CDH12: variants seen among roughly 807,000 people sequenced by gnomAD.
CDH12 encodes cadherin-12.
Under a neutral mutation model 74.1 loss-of-function variants are expected in CDH12, and 41 were observed. The observed-to-expected ratio is 0.55, with a 90% CI of 0.43 to 0.72. The LOEUF is 0.72. Ranked by LOEUF, CDH12 falls within the 30% of genes least tolerant of loss-of-function variation. The pLI, the probability that CDH12 is intolerant of heterozygous loss-of-function variation, is 0.00. For synonymous variants in CDH12, 399 were observed against 355.0 expected, an observed-to-expected ratio of 1.12 and a Z score of -1.39; for missense variants, 945 against 977.2, an observed-to-expected ratio of 0.97 and a Z score of 0.44.
Position 22,428,190 on chromosome 5 carries a change from C to T in CDH12, c.-427-22839G>A, listed in dbSNP as rs530946900. Among the ~76,000 whole-genome samples the T allele has an allele frequency of 9.7e-5, 8 of 82,742 alleles. No homozygotes were observed. In the East Asian group the frequency reaches 2.6e-3, roughly 27 times the overall value. 54.3% of individuals were successfully genotyped at this position (82,742 alleles called of 152,430 possible). ...GATGACAGATAGATAGAAATACACA[C>T]ATATGTATATATATATACACACACA... On this transcript the variant is annotated intron_variant, in intron 2 of 14. Transcript: ENST00000382254.
intron 5 of CDH12, among the ~76,000 whole-genome samples, chr5:22,056,059 T>A (rs1013497361): frequency 2.0e-5 from 3 of 152,124 alleles, no homozygotes; most frequent in Non-Finnish European, 4.4e-5. Flanking sequence ...TTTGCAAAAT[T>A]TTTTAGTACA....
chr5:22,750,913 T>C (rs1045367397), intron 1 of CDH12, among the ~76,000 whole-genome samples: 4 of 108,934 alleles, frequency 3.7e-5, no homozygotes, highest in African/African-American at 1.1e-4. Context: ...TAGGAAATCA[T>C]AGTGAAAAAA....
At chr5:22,410,472 G>T (rs1361719572) in intron 2 of CDH12, among the ~76,000 whole-genome samples, 2 of 152,054 alleles carry the variant, frequency 1.3e-5, no homozygotes, top group Non-Finnish European at 2.9e-5. Context: ...GAGAGGTTTT[G>T]CTGGGTTTCC....
intron 3 of CDH12, among the ~76,000 whole-genome samples, chr5:22,358,739 A>G (rs1271540145): frequency 6.6e-6 from 1 of 152,188 alleles, no homozygotes; most frequent in Non-Finnish European, 1.5e-5. Flanking sequence ...TGTCTCACCC[A>G]TGGTGACCAT....
chr5:22,363,767 G>A (rs1190101114), intron 3 of CDH12, among the ~76,000 whole-genome samples: 1 of 152,138 alleles, frequency 6.6e-6, no homozygotes, highest in Non-Finnish European at 1.5e-5. Flanking sequence ...ATGATGTTGT[G>A]TCAGACAAAA....
rs530700371 is a variant in CDH12, at chr5:22,652,463, T to C, written c.-522-147099A>G. Reference sequence around the variant, plus strand: ...TTGAATGACAGGGTACTGTTTTCAGTAGCTTCATTTCAGATCGATTCCATT... The same window carrying C: ...TTGAATGACAGGGTACTGTTTTCAGCAGCTTCATTTCAGATCGATTCCATT... On this transcript the variant is annotated intron_variant, in intron 1 of 14. Coordinates refer to ENST00000382254, the MANE Select transcript of CDH12 (RefSeq NM_004061.5). Among the ~76,000 whole-genome samples the C allele has an allele frequency of 1.3e-4, 20 of 152,288 alleles. No individual in the cohort carries two copies. In the South Asian group the frequency reaches 4.2e-3, roughly 32 times the overall value.
At chr5:22,163,016 C>A (rs1748457394) in intron 4 of CDH12, among the ~76,000 whole-genome samples, 1 of 151,734 alleles carries the variant, frequency 6.6e-6, no homozygotes, top group Non-Finnish European at 1.5e-5. Flanking sequence ...CCTGCCTCAG[C>A]CTCCTGAGTA....
At chr5:22,605,718 C>T (rs1205677169) in intron 1 of CDH12, among the ~76,000 whole-genome samples, 2 of 152,238 alleles carry the variant, frequency 1.3e-5, no homozygotes, top group Admixed American at 1.3e-4. Flanking sequence ...GAAAGTCAGG[C>T]CATCGCTCCA....
chr5:22,533,704 A>G (rs549762186), intron 1 of CDH12, among the ~76,000 whole-genome samples: 1 of 152,334 alleles, frequency 6.6e-6, no homozygotes, highest in Non-Finnish European at 1.5e-5. Flanking sequence ...GCAACTCCAC[A>G]GGACATCCCA....
chr5:22,057,740 A>G (rs1354756191), intron 5 of CDH12, among the ~76,000 whole-genome samples: 1 of 152,166 alleles, frequency 6.6e-6, no homozygotes, highest in Admixed American at 6.6e-5. Flanking sequence ...AGATATTTAT[A>G]ATCACTCAAT....
Position 22,217,715 on chromosome 5 carries a change from C to T in CDH12, c.-332-5072G>A, listed in dbSNP as rs189444770. Among the ~76,000 whole-genome samples the T allele has an allele frequency of 2.4e-3, 365 of 151,564 alleles. 3 individuals carry two copies. Among genetic ancestry groups the T allele is most frequent in the African/African-American group, 8.7e-3 (359 of 41,450 alleles). The stretch of plus-strand genomic sequence containing the variant: ...TAGAGTTATACATATAAAACCCAAA[C>T]AAAACACATTTTTAGCAATGATTTT... On this transcript the variant is annotated intron_variant, in intron 3 of 14. Coordinates refer to ENST00000382254, the MANE Select transcript of CDH12 (RefSeq NM_004061.5).
intron 6 of CDH12, among the ~76,000 whole-genome samples, chr5:21,921,323 T>C (rs1297814260): frequency 2.0e-5 from 3 of 152,218 alleles, no homozygotes; most frequent in African/African-American, 7.2e-5. Context: ...AGTGTCAAGA[T>C]ATGTTTAGCA....
intron 1 of CDH12, among the ~76,000 whole-genome samples, chr5:22,655,997 C>T (rs539936049): frequency 2.6e-4 from 40 of 152,110 alleles, no homozygotes; most frequent in African/African-American, 7.7e-4. Flanking sequence ...AAACAAATGC[C>T]GATTTGGGAC....
At chr5:22,565,580 C>A (rs548346388) in intron 1 of CDH12, among the ~76,000 whole-genome samples, 1 of 152,230 alleles carries the variant, frequency 6.6e-6, no homozygotes, top group South Asian at 2.1e-4. Flanking sequence ...TGCAACCTTT[C>A]TTTGCTTTGG....
intron 3 of CDH12, among the ~76,000 whole-genome samples, chr5:22,322,685 G>A (rs979565339): frequency 5.0e-4 from 76 of 152,048 alleles, no homozygotes; most frequent in African/African-American, 1.8e-3. Flanking sequence ...ATTTTCTTTT[G>A]TGTCTGCTAT....
At chr5:22,415,509 A>C (rs1298566217) in intron 2 of CDH12, among the ~76,000 whole-genome samples, 3 of 152,196 alleles carry the variant, frequency 2.0e-5, no homozygotes, top group Non-Finnish European at 4.4e-5. Flanking sequence ...GTTCTTACAT[A>C]GTGTGATTTG....
At chr5:22,002,472 A>T (rs1018718690) in intron 5 of CDH12, among the ~76,000 whole-genome samples, 2 of 152,108 alleles carry the variant, frequency 1.3e-5, no homozygotes, top group Non-Finnish European at 2.9e-5. Context: ...AAAATATGAG[A>T]TACATTTAAA....
intron 3 of CDH12, among the ~76,000 whole-genome samples, chr5:22,218,688 C>G (rs963264632): frequency 6.6e-6 from 1 of 151,526 alleles, no homozygotes; most frequent in Non-Finnish European, 1.5e-5. Context: ...CAAAACCCAT[C>G]TAATTTGCAA....
At chr5:21,854,629 T>G in intron 7 of CDH12, 42 bp downstream of exon 7, 1 of 1,525,422 alleles carries the variant, frequency 6.6e-7, no homozygotes, top group Non-Finnish European at 8.9e-7. Context: ...GTTTAAATAT[T>G]TGAAGGGCTG....
Sources: gnomAD v4.1 joint callset for allele counts (sites outside exome capture counted in the v4.1 genomes callset) on GRCh38, gnomAD v4.1.1 for gene constraint, MANE v1.5 for transcripts, NCBI Gene and HGNC (gene_info 2026-07-23, HGNC 2026-07-21) for gene names.